UPF1: variants seen among roughly 807,000 people sequenced by gnomAD.
UPF1 encodes regulator of nonsense transcripts 1.
UPF1 carries 9 observed loss-of-function variants against 129.2 expected under a neutral mutation model. The ratio of observed to expected loss-of-function variants is 0.07; its 90% CI spans 0.04 to 0.12. UPF1 has a LOEUF of 0.12. Ranked by LOEUF, UPF1 falls within the 10% of genes least tolerant of loss-of-function variation. UPF1 has a pLI of 1.00. For synonymous variants in UPF1, 649 were observed against 644.9 expected (o/e 1.01, Z -0.10); for missense variants, 788 against 1,525.3 (o/e 0.52, Z 8.05).
chr19:18,847,836 A>G lies in UPF1; in HGVS notation c.461+3A>G, dbSNP rs780975568. On this transcript the variant is annotated splice_donor_region_variant and intron_variant, in intron 3 of 23. Transcript: ENST00000262803. ...GGACGTGGAAATACTTCTGGCAGGT[A>G]GATAATCAGACCATGCATGTGTGTT... 3 of 1,614,088 alleles carry G rather than the reference A, an allele frequency of 1.9e-6. No individual in the cohort carries two copies. Among genetic ancestry groups the G allele is most frequent in the South Asian group, 1.1e-5 (1 of 91,084 alleles).
intron 8 of UPF1, among the ~76,000 whole-genome samples, chr19:18,854,253 T>C (rs1219906113): frequency 6.6e-6 from 1 of 152,192 alleles, no homozygotes; most frequent in Non-Finnish European, 1.5e-5. Flanking sequence ...GGTGAGGTCC[T>C]GGGGCCCAGG....
rs925770743 is a variant in UPF1, at chr19:18,866,919, C to G, written c.*402C>G. ...AAAAAAAACTTCGCATTTCTGTGCC[C>G]GAGCAGGCTCCTTGCAAAGACAGCA... On this transcript the variant is annotated 3_prime_UTR_variant, in exon 24 of 24. Coordinates refer to ENST00000262803, the MANE Select transcript of UPF1 (RefSeq NM_002911.4). The G allele has an allele frequency of 6.6e-6, 1 of 152,610 alleles. No individual in the cohort carries two copies. Among genetic ancestry groups the G allele is most frequent in the African/African-American group, 2.4e-5 (1 of 41,470 alleles). 9.5% of individuals were successfully genotyped at this position (152,610 alleles called of 1,614,324 possible).
At chr19:18,857,130 C>A in intron 14 of UPF1, 110 bp downstream of exon 14, 1 of 1,524,910 alleles carries the variant, frequency 6.6e-7, no homozygotes. Flanking sequence ...AGTGTGCGCA[C>A]ACTGGGGGCT....
In UPF1 at chr19:18,867,453, G is replaced by A. The variant is rs2055865582; in HGVS notation, c.*936G>A. The A allele has an allele frequency of 6.6e-6, 1 of 152,476 alleles. No individual in the cohort carries two copies. Among genetic ancestry groups the A allele is most frequent in the South Asian group, 2.1e-4 (1 of 4,842 alleles). The allele number at this position is 152,476 out of a possible 1,614,324, so 9.4% of individuals were successfully genotyped here. ...GCCAGGACTGGCCCTGTGGCCAGGAGGCGAGAAGGTGGCTGTTCCCGGATT... is the reference window on the plus strand; with the variant it reads ...GCCAGGACTGGCCCTGTGGCCAGGAAGCGAGAAGGTGGCTGTTCCCGGATT... On this transcript the variant is annotated 3_prime_UTR_variant, in exon 24 of 24. Transcript: ENST00000262803.
In UPF1 at chr19:18,854,868, C is replaced by T. The variant is rs374889495; in HGVS notation, c.1266-11C>T. The T allele has an allele frequency of 1.2e-5, 19 of 1,613,848 alleles. No homozygotes were observed. Among genetic ancestry groups the T allele is most frequent in the African/African-American group, 4.0e-5 (3 of 74,954 alleles). On this transcript the variant is annotated splice_polypyrimidine_tract_variant and intron_variant, in intron 9 of 23. Coordinates refer to ENST00000262803, the MANE Select transcript of UPF1 (RefSeq NM_002911.4). ...GCTGTGCGTGTCGCCAACCCCAAAC[C>T]CTCCTCACAGGATGCAGAGCGCATT...
chr19:18,855,750 A>T, intron 11 of UPF1, 175 bp from the exon 12 acceptor site: 1 of 859,390 alleles, frequency 1.2e-6, no homozygotes, highest in South Asian at 1.8e-5. Context: ...CAGGAGGCTG[A>T]GGTGGGAGGA....
intron 1 of UPF1, among the ~76,000 whole-genome samples, chr19:18,838,586 T>G (rs1418284514): frequency 6.6e-6 from 1 of 151,672 alleles, no homozygotes; most frequent in Non-Finnish European, 1.5e-5. Context: ...AGGTGGAGGT[T>G]GCGGTGAGCT....
intron 19 of UPF1, 77 bp downstream of exon 19, chr19:18,863,689 G>GC (rs1421640002): frequency 6.7e-7 from 1 of 1,489,894 alleles, no homozygotes; most frequent in Non-Finnish European, 9.0e-7. Context: ...TGCCAGCTTG[G>GC]CCCGTGTGCC....
intron 3 of UPF1, chr19:18,848,327 G>A (rs935585886): frequency 1.8e-5 from 3 of 162,244 alleles, no homozygotes; most frequent in Admixed American, 6.0e-5. Flanking sequence ...AGCTGCAGCT[G>A]GACTGTGTCG....
chr19:18,855,530 G>A, intron 11 of UPF1: 1 of 542,932 alleles, frequency 1.8e-6, no homozygotes, highest in South Asian at 2.1e-5. Flanking sequence ...GTGGCGGGAT[G>A]GTGCAAGTTC....
At position 18,846,102 on chromosome 19, in the gene UPF1, C is replaced by G; in HGVS notation, c.354C>G (p.Leu118=). Reference sequence around the variant, plus strand: ...AAGACACCTATTACACGAAGGACCTCCCCATACACGCCTGCAGGTGAGCTG... The same window carrying G: ...AAGACACCTATTACACGAAGGACCTGCCCATACACGCCTGCAGGTGAGCTG... ...DEEDTYYTKD[L]PIHACSYCGI... is the part of the protein sequence containing the mutation. Residue 118 remains leucine, a synonymous_variant, in exon 2 of 24, where the codon CTC becomes CTG. Coordinates refer to ENST00000262803, the MANE Select transcript of UPF1 (RefSeq NM_002911.4). 6.2e-7 allele frequency: 1 copy of G among 1,614,106 alleles called. No individual in the cohort carries two copies. The highest frequency in any genetic ancestry group is 8.5e-7 in the Non-Finnish European group (1 of 1,180,026).
At position 18,850,941 on chromosome 19, in the gene UPF1, A is replaced by ACGGCTTGACCCAGTGAGAC. The variant is rs1356822192; in HGVS notation, c.810+76_810+94dup. 4.8e-6 allele frequency: 7 copies of ACGGCTTGACCCAGTGAGAC among 1,447,592 alleles called. No homozygotes were observed. The highest frequency in any genetic ancestry group is 3.7e-6 in the Non-Finnish European group (4 of 1,094,934). The allele number at this position is 1,447,592 out of a possible 1,614,324, so 89.7% of individuals were successfully genotyped here. A position where few individuals can be genotyped will look rare whatever the true frequency, so the allele number is the denominator to read the frequency against. On this transcript the variant is annotated intron_variant, in intron 5 of 23. Coordinates refer to ENST00000262803, the MANE Select transcript of UPF1 (RefSeq NM_002911.4). The surrounding 1 kb of genome is among the most constrained non-coding windows in gnomAD (Gnocchi z 7.1). ...TGCGGGGAGGGGAGTGTCTTCAGAG[A>ACGGCTTGACCCAGTGAGAC]CGGCTTGACCCAGTGAGACCGCTGG...
intron 15 of UPF1, 134 bp downstream of exon 15, chr19:18,857,667 T>A: frequency 1.9e-6 from 2 of 1,041,732 alleles, no homozygotes; most frequent in Non-Finnish European, 2.7e-6. Flanking sequence ...GTCAGGGCAC[T>A]TTGTGCCCAA....
rs1035915376 is a variant in UPF1, at chr19:18,868,104, T to C, written c.*1587T>C. 2.8e-5 allele frequency: 5 copies of C among 178,386 alleles called. No individual in the cohort carries two copies. Among genetic ancestry groups the C allele is most frequent in the African/African-American group, 1.2e-4 (5 of 42,258 alleles). 11.1% of individuals were successfully genotyped at this position (178,386 alleles called of 1,614,324 possible). On this transcript the variant is annotated 3_prime_UTR_variant, in exon 24 of 24. Transcript: ENST00000262803. Reference sequence around the variant, plus strand: ...TTTGCCTCTGCTTCGCCCTGTGCTGTGTTCTCCAGCTTTGTAGCAGCAGCC... The same window carrying C: ...TTTGCCTCTGCTTCGCCCTGTGCTGCGTTCTCCAGCTTTGTAGCAGCAGCC...
At chr19:18,854,777 C>G in intron 9 of UPF1, 68 bp downstream of exon 9, 3 of 1,605,542 alleles carry the variant, frequency 1.9e-6, no homozygotes, top group Non-Finnish European at 2.6e-6. Flanking sequence ...TGAGCCCTCC[C>G]CGTCACTGTG....
At chr19:18,857,773 C>T (rs997639352) in intron 15 of UPF1, among the ~76,000 whole-genome samples, 2 of 152,228 alleles carry the variant, frequency 1.3e-5, no homozygotes, top group African/African-American at 4.8e-5. Context: ...GAGAATTCAT[C>T]CAAGCCTCAT....
At chr19:18,848,210 A>G (rs945552509) in intron 3 of UPF1, 7 of 225,962 alleles carry the variant, frequency 3.1e-5, no homozygotes, top group Admixed American at 5.3e-5. Context: ...CTCTGGCCTG[A>G]GCTCATCGGA....
rs146802812 is a variant in UPF1 at position 18,845,868 on chromosome 19, C to T, written c.232-112C>T. 2.2e-5 allele frequency: 32 copies of T among 1,432,088 alleles called. No homozygotes were observed. The Middle Eastern group carries it at 1.0e-3, about 46-fold the overall frequency. The allele number at this position is 1,432,088 out of a possible 1,614,324, so 88.7% of individuals were successfully genotyped here. Reference sequence around the variant, plus strand: ...ATCCAGTCAGAACAAGGGAAACTGTCTCAAAGCAGAGATGAGGCCAGGGTG... The same window carrying T: ...ATCCAGTCAGAACAAGGGAAACTGTTTCAAAGCAGAGATGAGGCCAGGGTG... On this transcript the variant is annotated intron_variant, in intron 1 of 23. Transcript: ENST00000262803.
At chr19:18,834,133 C>T (rs1488052805) in intron 1 of UPF1, among the ~76,000 whole-genome samples, 2 of 152,086 alleles carry the variant, frequency 1.3e-5, no homozygotes, top group African/African-American at 4.8e-5. Context: ...ATGGGGGTGG[C>T]AGTTAGATTT....
Sources: allele counts gnomAD v4.1 joint callset (sites outside exome capture counted in the v4.1 genomes callset), GRCh38; gene constraint gnomAD v4.1.1; non-coding constraint Gnocchi (gnomAD v3.1); transcripts MANE v1.5; gene names NCBI Gene and HGNC (gene_info 2026-07-23, HGNC 2026-07-21).